Variants in FUT8 observed in about 807,000 individuals in gnomAD.
FUT8 encodes the protein fucosyltransferase 8, also known as alpha-(1,6)-fucosyltransferase.
A neutral mutation model predicts 71.3 loss-of-function variants in FUT8; 29 were observed. The observed-to-expected ratio is 0.41, with a 90% CI of 0.30 to 0.55. FUT8 has a LOEUF of 0.55. Ranked by LOEUF, FUT8 falls within the 20% of genes least tolerant of loss-of-function variation. The probability of loss-of-function intolerance (pLI) is 0.34; values close to 1 mark genes in which losing one functional copy is unlikely to be tolerated. For synonymous variants in FUT8, 254 were observed against 239.3 expected, an observed-to-expected ratio of 1.06 and a Z score of -0.57; for missense variants, 544 against 702.1, an observed-to-expected ratio of 0.77 and a Z score of 2.55.
chr14:65,517,088 A>G (rs909439814), intron 2 of FUT8, among the ~76,000 whole-genome samples: 3 of 152,002 alleles, frequency 2.0e-5, no homozygotes, highest in Non-Finnish European at 2.9e-5. Context: ...TTATATGTGT[A>G]TACCACATTT....
chr14:65,689,542 GTTTT>G (rs1178480195), intron 7 of FUT8, among the ~76,000 whole-genome samples: 3 of 151,782 alleles, frequency 2.0e-5, no homozygotes, highest in Admixed American at 1.3e-4. Context: ...TTGTTTGTTT[GTTTT>G]TTTGTTTTTT....
chr14:65,474,660 T>C lies in FUT8; in HGVS notation c.-228+18942T>C, dbSNP rs75575405. ...CTAATCTTCTAGCCTTATTATTTCT[T>C]AGAGATTTTATAAATCCATGTGGCT... is the stretch of plus-strand genomic sequence containing the variant. On this transcript the variant is annotated intron_variant, in intron 2 of 10. Transcript: ENST00000673929. Among the ~76,000 whole-genome samples, 868 of 152,210 alleles carry C rather than the reference T, an allele frequency of 5.7e-3. 31 individuals are homozygous for C. The East Asian group carries it at 0.092, about 16-fold the overall frequency.
intron 2 of FUT8, among the ~76,000 whole-genome samples, chr14:65,494,000 G>A (rs556010381): frequency 5.3e-5 from 8 of 152,064 alleles, no homozygotes; most frequent in Middle Eastern, 3.2e-3. Flanking sequence ...GGAAATTTTG[G>A]TTTAGCTGTT....
intron 7 of FUT8, among the ~76,000 whole-genome samples, chr14:65,702,955 C>CA (rs1894383120): frequency 6.6e-6 from 1 of 152,144 alleles, no homozygotes; most frequent in Non-Finnish European, 1.5e-5. Flanking sequence ...CCCTGTTGGC[C>CA]AGGATGGTCT....
chr14:65,679,842 A>G (rs1047144960), intron 7 of FUT8, among the ~76,000 whole-genome samples: 2 of 152,198 alleles, frequency 1.3e-5, no homozygotes, highest in African/African-American at 4.8e-5. Flanking sequence ...TTGACAAACT[A>G]TGGTCCTCAG....
intron 1 of FUT8, among the ~76,000 whole-genome samples, chr14:65,451,411 C>G (rs2065823786): frequency 6.6e-6 from 1 of 152,230 alleles, no homozygotes; most frequent in African/African-American, 2.4e-5. Flanking sequence ...GAGCGGGTGC[C>G]TGCGACTATT....
At chr14:65,436,683 A>G (rs1425996628) in intron 1 of FUT8, among the ~76,000 whole-genome samples, 1 of 152,130 alleles carries the variant, frequency 6.6e-6, no homozygotes, top group Non-Finnish European at 1.5e-5. Context: ...TGGCCCTGAC[A>G]AGGTCTTTGA....
In FUT8 at chr14:65,690,817, C is replaced by T. The variant is rs376905492; in HGVS notation, c.835+21337C>T. ...TTGGCTCACTGCAACCTCTGCCTCCCGGGTGCAAGCTGATAATCCTGCCTC... is the reference window on the plus strand; with the variant it reads ...TTGGCTCACTGCAACCTCTGCCTCCTGGGTGCAAGCTGATAATCCTGCCTC... On this transcript the variant is annotated intron_variant, in intron 7 of 10. Transcript: ENST00000673929. 9.2e-5 allele frequency among the ~76,000 whole-genome samples: 14 copies of T among 151,988 alleles called. No individual in the cohort carries two copies. The East Asian group carries it at 1.4e-3, about 15-fold the overall frequency.
chr14:65,726,357 A>G (rs1895686616), intron 9 of FUT8, among the ~76,000 whole-genome samples: 1 of 152,248 alleles, frequency 6.6e-6, no homozygotes, highest in African/African-American at 2.4e-5. Flanking sequence ...CTGCTGATAG[A>G]CATACCCCAG....
intron 2 of FUT8, among the ~76,000 whole-genome samples, chr14:65,460,235 A>C (rs1278238243): frequency 6.6e-6 from 1 of 152,254 alleles, no homozygotes; most frequent in Non-Finnish European, 1.5e-5. Context: ...TGAGCAGAGT[A>C]CTGATAGCTT....
rs1890924136 is a variant in FUT8 at position 65,643,261 on chromosome 14, A to G, written c.597+13655A>G. On this transcript the variant is annotated intron_variant, in intron 6 of 10. Transcript: ENST00000673929. The surrounding 1 kb of genome is among the most constrained non-coding windows in gnomAD (Gnocchi z 4.5). ...TATTTTTATATATTCAAATTCTCTT[A>G]ATTATCAATAATAAAAGGCTTTCAC... 6.6e-6 allele frequency among the ~76,000 whole-genome samples: 1 copy of G among 152,158 alleles called. No homozygotes were observed. The highest frequency in any genetic ancestry group is 6.5e-5 in the Admixed American group (1 of 15,276).
At chr14:65,727,649 G>A (rs1162074696) in intron 9 of FUT8, among the ~76,000 whole-genome samples, 1 of 152,114 alleles carries the variant, frequency 6.6e-6, no homozygotes, top group East Asian at 1.9e-4. Flanking sequence ...AAAGGTCTCT[G>A]ACATACCCTG....
chr14:65,690,320 AG>A (rs377630464), intron 7 of FUT8, among the ~76,000 whole-genome samples: 294 of 152,278 alleles, frequency 1.9e-3, no homozygotes, highest in Admixed American at 5.0e-3. Flanking sequence ...CAGGTAGATC[AG>A]TCCTCTTACT....
At chr14:65,621,804 G>A (rs746053047) in intron 5 of FUT8, among the ~76,000 whole-genome samples, 108 of 150,332 alleles carry the variant, frequency 7.2e-4, no homozygotes, top group Non-Finnish European at 8.3e-4. Context: ...CAGGTGATCC[G>A]CCCACCTTGG....
intron 6 of FUT8, among the ~76,000 whole-genome samples, chr14:65,662,183 G>A (rs1189226763): frequency 3.3e-5 from 5 of 152,212 alleles, no homozygotes; most frequent in South Asian, 2.1e-4. Context: ...GGAGCCTGAC[G>A]TGGGAGAATG....
chr14:65,721,033 G>A (rs1895388217), intron 7 of FUT8, among the ~76,000 whole-genome samples: 1 of 152,124 alleles, frequency 6.6e-6, no homozygotes, highest in Non-Finnish European at 1.5e-5. Flanking sequence ...AGGGGTAGTA[G>A]ACAATCGAAA....
In FUT8 at chr14:65,722,006, A is replaced by G; in HGVS notation, c.1067A>G (p.Lys356Arg). 6.2e-7 allele frequency: 1 copy of G among 1,614,138 alleles called. No homozygotes were observed. Among genetic ancestry groups the G allele is most frequent in the Non-Finnish European group, 8.5e-7 (1 of 1,180,018 alleles). Residue 356 changes from lysine (K) to arginine (R), a missense_variant, in exon 8 of 11, where the codon AAA becomes AGA. Physicochemically the swap from Lys to Arg is conservative, Grantham distance 26. Transcript: ENST00000673929. ...IEEATKKLGF[K>R]HPVIGVHVRR... ...GAAGCCACCAAGAAGCTTGGCTTCA[A>G]ACATCCAGTTATTGGGTAAGAATCT... is the stretch of plus-strand genomic sequence containing the variant.
At position 65,742,507 on chromosome 14, in the gene FUT8, C is replaced by A; in HGVS notation, c.*97C>A. 4.9e-6 allele frequency: 5 copies of A among 1,024,296 alleles called. No individual in the cohort carries two copies. Among genetic ancestry groups the A allele is most frequent in the Non-Finnish European group, 7.1e-6 (5 of 705,810 alleles). The allele number at this position is 1,024,296 out of a possible 1,614,324, so 63.5% of individuals were successfully genotyped here. On this transcript the variant is annotated 3_prime_UTR_variant, in exon 11 of 11. Transcript: ENST00000673929. Reference sequence around the variant, plus strand: ...GTAGATGAAGAGGGCTCTGATCTAACAAAATAAGGTTATATGAGTAGATAC... The same window carrying A: ...GTAGATGAAGAGGGCTCTGATCTAAAAAAATAAGGTTATATGAGTAGATAC...
chr14:65,700,226 C>G (rs920153312), intron 7 of FUT8, among the ~76,000 whole-genome samples: 4 of 152,106 alleles, frequency 2.6e-5, no homozygotes, highest in Non-Finnish European at 5.9e-5. Context: ...TGGTTGCCAT[C>G]CATGACATCA....
Sources: gnomAD v4.1 joint callset for allele counts (sites outside exome capture counted in the v4.1 genomes callset) on GRCh38, gnomAD v4.1.1 for gene constraint, Gnocchi (gnomAD v3.1) non-coding constraint, MANE v1.5 for transcripts, NCBI Gene and HGNC (gene_info 2026-07-23, HGNC 2026-07-21) for gene names.